CRYZ: variants seen among roughly 807,000 people sequenced by gnomAD.
CRYZ encodes zeta-crystallin.
Under a neutral mutation model 34.1 loss-of-function variants are expected in CRYZ, and 35 were observed. That is an observed-to-expected ratio of 1.03 (90% CI 0.78 to 1.36). CRYZ has a LOEUF of 1.36. CRYZ is among the 40% of genes most tolerant of loss of function. The pLI is 0.00. For missense variants in CRYZ, 403 were observed against 391.8 expected (o/e 1.03, Z -0.24); for synonymous variants, 137 against 136.5 (o/e 1.00, Z -0.03).
At position 74,722,319 on chromosome 1, in the gene CRYZ, G is replaced by A. The variant is rs561809922; in HGVS notation, c.264+799C>T. The stretch of plus-strand genomic sequence containing the variant: ...CAAATGTCACAGAGAAATCAAGAAA[G>A]ATAATGACATAAAAGGGCCCATTAA... On this transcript the variant is annotated intron_variant, in intron 3 of 8. Transcript: ENST00000340866. 7.9e-5 allele frequency among the ~76,000 whole-genome samples: 12 copies of A among 152,190 alleles called. No individual in the cohort carries two copies. In the South Asian group the frequency reaches 1.9e-3, roughly 24 times the overall value.
intron 1 of CRYZ, 113 bp downstream of exon 1, chr1:74,732,843 G>C (rs1426840640): frequency 5.3e-6 from 1 of 188,996 alleles, no homozygotes; most frequent in African/African-American, 2.4e-5. Flanking sequence ...AGTTCTCTGG[G>C]AGGACAGAGG....
chr1:74,709,031 T>C (rs1478285929), intron 6 of CRYZ, among the ~76,000 whole-genome samples: 1 of 152,110 alleles, frequency 6.6e-6, no homozygotes, highest in Non-Finnish European at 1.5e-5. Flanking sequence ...CAGTGACCTC[T>C]GGGAAGCAGT....
intron 4 of CRYZ, among the ~76,000 whole-genome samples, chr1:74,716,280 A>T (rs1380500989): frequency 6.6e-6 from 1 of 152,088 alleles, no homozygotes; most frequent in Non-Finnish European, 1.5e-5. Context: ...ATCAGATCAA[A>T]TAGAAGATCA....
chr1:74,710,735 A>G (rs1646990889), intron 5 of CRYZ, among the ~76,000 whole-genome samples: 1 of 152,242 alleles, frequency 6.6e-6, no homozygotes, highest in Admixed American at 6.5e-5. Flanking sequence ...TAGAAGAGAT[A>G]GGTATATGGG....
intron 3 of CRYZ, among the ~76,000 whole-genome samples, chr1:74,720,035 C>T (rs1243556232): frequency 6.6e-6 from 1 of 151,960 alleles, no homozygotes; most frequent in South Asian, 2.1e-4. Context: ...CATGTATTAT[C>T]TCTACTTTAG....
intron 1 of CRYZ, among the ~76,000 whole-genome samples, chr1:74,731,953 C>T (rs780459746): frequency 6.6e-6 from 1 of 152,216 alleles, no homozygotes; most frequent in Non-Finnish European, 1.5e-5. Flanking sequence ...TAAAACTATA[C>T]ATTTCTCTCA....
intron 5 of CRYZ, among the ~76,000 whole-genome samples, chr1:74,712,468 G>T (rs1201004776): frequency 6.6e-6 from 1 of 152,146 alleles, no homozygotes; most frequent in Non-Finnish European, 1.5e-5. Context: ...GGCAAGAAAA[G>T]AATTAAGATG....
chr1:74,719,194 A>AGAAT lies in CRYZ; in HGVS notation c.428+11_428+14dup. Reference sequence around the variant, plus strand: ...TTTTGGCATTGGCCATAAAATTGACAGAATGTGTTATTACCTGTGGATCAG... The same window carrying AGAAT: ...TTTTGGCATTGGCCATAAAATTGACAGAATGAATGTGTTATTACCTGTGGATCAG... On this transcript the variant is annotated intron_variant, in intron 4 of 8. Coordinates refer to ENST00000340866, the MANE Select transcript of CRYZ (RefSeq NM_001889.4). 4.4e-6 allele frequency: 7 copies of AGAAT among 1,609,140 alleles called. No individual in the cohort carries two copies. The highest frequency in any genetic ancestry group is 6.0e-6 in the Non-Finnish European group (7 of 1,175,772).
At chr1:74,726,118 G>C (rs916690335) in intron 1 of CRYZ, among the ~76,000 whole-genome samples, 1 of 152,162 alleles carries the variant, frequency 6.6e-6, no homozygotes, top group African/African-American at 2.4e-5. Flanking sequence ...CTACCATTCT[G>C]GGGTCTGGAG....
chr1:74,719,711 G>A (rs1029160796), intron 3 of CRYZ, among the ~76,000 whole-genome samples: 2 of 151,942 alleles, frequency 1.3e-5, no homozygotes, highest in Non-Finnish European at 2.9e-5. Context: ...GGTCAGGCTG[G>A]TCTTGAACTC....
chr1:74,714,527 TG>T, intron 5 of CRYZ, 51 bp downstream of exon 5: 1 of 1,534,236 alleles, frequency 6.5e-7, no homozygotes. Context: ...AACTATAATG[TG>T]AAACCCATAA....
intron 4 of CRYZ, among the ~76,000 whole-genome samples, chr1:74,714,858 G>C (rs1569987023): frequency 2.0e-5 from 3 of 152,250 alleles, no homozygotes; most frequent in South Asian, 4.1e-4. Flanking sequence ...TTATGTTCCA[G>C]GCACTATGCT....
In CRYZ at chr1:74,710,151, C is replaced by A. The variant is rs375380362; in HGVS notation, c.577G>T (p.Gly193Ter). The change falls in exon 6 of 9, where the codon GGA becomes TGA. Residue 193 changes from glycine to a stop codon, truncating the protein, a stop_gained. Transcript: ENST00000340866. LOFTEE classifies it high-confidence loss of function. ...CTGTGATTGAACACTTCATGGGCTCCATTTTGCAAAACAATCTTTTGTCCT... is the reference window on the plus strand; with the variant it reads ...CTGTGATTGAACACTTCATGGGCTCAATTTTGCAAAACAATCTTTTGTCCT... ...EEGQKIVLQN[G>*]AHEVFNHREV... 9 of 1,613,764 alleles carry A rather than the reference C, an allele frequency of 5.6e-6. No individual in the cohort carries two copies. The African/African-American group carries it at 1.1e-4, about 19-fold the overall frequency.
chr1:74,707,181 A>C lies in CRYZ; in HGVS notation c.654T>G (p.Ile218Met). Residue 218 changes from isoleucine to methionine, a missense_variant, in exon 7 of 9, where the codon ATT becomes ATG. By Grantham distance (10) the Ile-to-Met change is conservative. Transcript: ENST00000340866. Reference sequence around the variant, plus strand: ...TAGCTAACATTTCAATAATTATATCAATTCCTTTCTCACCAACATACTTCT... The same window carrying C: ...TAGCTAACATTTCAATAATTATATCCATTCCTTTCTCACCAACATACTTCT... ...KIKKYVGEKG[I>M]DIIIEMLANV... is the part of the protein sequence containing the mutation. The C allele has an allele frequency of 6.4e-7, 1 of 1,566,316 alleles. No individual in the cohort carries two copies. The highest frequency in any genetic ancestry group is 1.2e-5 in the South Asian group (1 of 85,688).
chr1:74,714,528 G>A, intron 5 of CRYZ, 51 bp downstream of exon 5: 16 of 1,540,108 alleles, frequency 1.0e-5, no homozygotes, highest in Non-Finnish European at 1.4e-5. Context: ...ACTATAATGT[G>A]AAACCCATAA....
At chr1:74,706,521 TA>T in intron 8 of CRYZ, 64 bp from the exon 9 acceptor site, 1 of 1,419,440 alleles carries the variant, frequency 7.0e-7, no homozygotes, top group Middle Eastern at 1.8e-4. Flanking sequence ...TCAGAAGCAT[TA>T]AAAACACTTC....
intron 4 of CRYZ, among the ~76,000 whole-genome samples, chr1:74,716,603 A>C (rs1647078799): frequency 6.6e-6 from 1 of 152,174 alleles, no homozygotes; most frequent in African/African-American, 2.4e-5. Context: ...ACCAGCAACC[A>C]TTCTCCCTGA....
At chr1:74,713,692 G>A (rs932481982) in intron 5 of CRYZ, among the ~76,000 whole-genome samples, 1 of 152,086 alleles carries the variant, frequency 6.6e-6, no homozygotes, top group Non-Finnish European at 1.5e-5. Context: ...TTATTCAGGG[G>A]ACTATGTGCC....
chr1:74,706,019 A>G lies in CRYZ; in HGVS notation c.*277T>C, dbSNP rs1646923205. The G allele has an allele frequency of 3.7e-6, 1 of 271,880 alleles. No individual in the cohort carries two copies. The highest frequency in any genetic ancestry group is 2.2e-5 in the African/African-American group (1 of 45,318). 16.8% of individuals were successfully genotyped at this position (271,880 alleles called of 1,614,324 possible). The stretch of plus-strand genomic sequence containing the variant: ...AAGGTATGGAATTAATCAAATATCA[A>G]TTAAGAATTACTGGAATGCACACTC... On this transcript the variant is annotated 3_prime_UTR_variant, in exon 9 of 9. Transcript: ENST00000340866.
Sources: gnomAD v4.1 joint callset for allele counts (sites outside exome capture counted in the v4.1 genomes callset) on GRCh38, gnomAD v4.1.1 for gene constraint, MANE v1.5 for transcripts, NCBI Gene and HGNC (gene_info 2026-07-23, HGNC 2026-07-21) for gene names.